The following DENND3 variants were observed in gnomAD, a reference collection of about 807,000 sequenced individuals.
DENND3 encodes the protein DENN domain-containing protein 3.
DENND3 carries 88 observed loss-of-function variants against 135.1 expected under a neutral mutation model. That is an observed-to-expected ratio of 0.65 (90% CI 0.55 to 0.78). The LOEUF is 0.78. DENND3 is among the 30% of genes least tolerant of loss of function. DENND3 has a pLI of 0.00. For synonymous variants in DENND3, 693 were observed against 712.3 expected (o/e 0.97, Z 0.43); for missense variants, 1,392 against 1,688.4 (o/e 0.82, Z 3.08).
rs1375896018 is a variant in DENND3, at chr8:141,144,726, T to C, written c.735+467T>C. On this transcript the variant is annotated intron_variant, in intron 5 of 22. Transcript: ENST00000519811. This position sits in a 1 kb window ranked among gnomAD's most constrained non-coding sequence, Gnocchi z 4.4. ...GAGTTTAGGCACAGCTGACCAGCAT[T>C]AGGTTAAAATGGAGATCCTAAGACC... Among the ~76,000 whole-genome samples, 1 of 152,146 alleles carries C rather than the reference T, an allele frequency of 6.6e-6. No homozygotes were observed. Among genetic ancestry groups the C allele is most frequent in the Non-Finnish European group, 1.5e-5 (1 of 68,038 alleles).
intron 19 of DENND3, among the ~76,000 whole-genome samples, chr8:141,189,959 G>A (rs1166254251): frequency 6.6e-6 from 1 of 152,190 alleles, no homozygotes; most frequent in African/African-American, 2.4e-5. Context: ...GTCATGTCAT[G>A]GCTCTATGAC....
At position 141,138,078 on chromosome 8, in the gene DENND3, A is replaced by T. The variant is rs1200488437; in HGVS notation, c.442A>T (p.Thr148Ser). Reference sequence around the variant, plus strand: ...GGATTGCGTCCACTTCCTGGTGCTGACCGATGTCTGCGGGAATAGGACCTA... The same window carrying T: ...GGATTGCGTCCACTTCCTGGTGCTGTCCGATGTCTGCGGGAATAGGACCTA... ...KEDCVHFLVLTDVCGNRTYGV... is the reference protein window; with the variant it reads ...KEDCVHFLVLSDVCGNRTYGV... Residue 148 changes from threonine to serine, a missense_variant, in exon 3 of 23, where the codon ACC becomes TCC. Transcript: ENST00000519811. This position sits in a 1 kb window ranked among gnomAD's most constrained non-coding sequence, Gnocchi z 4.8. The T allele has an allele frequency of 6.2e-7, 1 of 1,610,438 alleles. No individual in the cohort carries two copies. Among genetic ancestry groups the T allele is most frequent in the Middle Eastern group, 1.7e-4 (1 of 6,056 alleles).
chr8:141,134,287 TTTTTTA>T (rs983911443), intron 1 of DENND3, among the ~76,000 whole-genome samples: 3 of 152,044 alleles, frequency 2.0e-5, no homozygotes, highest in African/African-American at 7.2e-5. Flanking sequence ...ATATTTTTTA[TTTTTTA>T]TTTTTATTTT....
rs1589502476 is a variant in DENND3 at position 141,128,900 on chromosome 8, T to G, written c.102+91T>G. 2 of 982,186 alleles carry G rather than the reference T, an allele frequency of 2.0e-6. No individual in the cohort carries two copies. Among genetic ancestry groups the G allele is most frequent in the East Asian group, 6.7e-5 (2 of 29,722 alleles). The allele number at this position is 982,186 out of a possible 1,614,324, so 60.8% of individuals were successfully genotyped here. ...GCGGGCGCCCGGGTGCCCTGTGGGT[T>G]GGCGCGGACTTTCCGAGGGCTGAGT... On this transcript the variant is annotated intron_variant, in intron 1 of 22. Transcript: ENST00000519811. The surrounding 1 kb of genome is among the most constrained non-coding windows in gnomAD (Gnocchi z 4.5).
At chr8:141,155,805 G>A (rs561296192) in intron 7 of DENND3, 44 bp from the exon 8 acceptor site, 36 of 1,541,608 alleles carry the variant, frequency 2.3e-5, no homozygotes, top group Admixed American at 1.2e-4. Context: ...TACAAATTCC[G>A]AAATTCTTTT....
In DENND3 at chr8:141,139,224, C is replaced by T. The variant is rs142690936; in HGVS notation, c.501+1087C>T. Among the ~76,000 whole-genome samples the T allele has an allele frequency of 3.3e-5, 5 of 152,188 alleles. No homozygotes were observed. In the East Asian group the frequency reaches 9.6e-4, roughly 29 times the overall value. On this transcript the variant is annotated intron_variant, in intron 3 of 22. Transcript: ENST00000519811. This position sits in a 1 kb window ranked among gnomAD's most constrained non-coding sequence, Gnocchi z 4.2. The stretch of plus-strand genomic sequence containing the variant: ...CTGGATTCCCTCGGAGCCCGGGACA[C>T]GTGTTTTTGTTGGTAGAAGCGTGCT...
At position 141,128,929 on chromosome 8, in the gene DENND3, G is replaced by C. The variant is rs116915947; in HGVS notation, c.102+120G>C. On this transcript the variant is annotated intron_variant, in intron 1 of 22. Transcript: ENST00000519811. The surrounding 1 kb of genome is among the most constrained non-coding windows in gnomAD (Gnocchi z 4.5). ...GCGGACTTTCCGAGGGCTGAGTCCC[G>C]GTCCCCCGGCGGTGACCCCGCGCGC... 1 of 740,578 alleles carries C rather than the reference G, an allele frequency of 1.4e-6. No individual in the cohort carries two copies. Among genetic ancestry groups the C allele is most frequent in the Non-Finnish European group, 1.9e-6 (1 of 519,882 alleles). 45.9% of individuals were successfully genotyped at this position (740,578 alleles called of 1,614,324 possible).
chr8:141,151,083 T>C lies in DENND3; in HGVS notation c.855+130T>C, dbSNP rs1453806316. On this transcript the variant is annotated intron_variant, in intron 6 of 22. Transcript: ENST00000519811. Reference sequence around the variant, plus strand: ...CCGACTGGTATACTCGAAATGTTTATTATTATTTTTTAAAGCCAATGTTCC... The same window carrying C: ...CCGACTGGTATACTCGAAATGTTTACTATTATTTTTTAAAGCCAATGTTCC... 2.9e-5 allele frequency: 38 copies of C among 1,297,380 alleles called. No individual in the cohort carries two copies. In the South Asian group the frequency reaches 7.3e-4, roughly 25 times the overall value. The allele number at this position is 1,297,380 out of a possible 1,614,324, so 80.4% of individuals were successfully genotyped here. A position where few individuals can be genotyped will look rare whatever the true frequency, so the allele number is the denominator to read the frequency against.
intron 20 of DENND3, 45 bp from the exon 21 acceptor site, chr8:141,192,286 G>A: frequency 6.2e-7 from 1 of 1,606,364 alleles, no homozygotes; most frequent in Non-Finnish European, 8.5e-7. Flanking sequence ...GTCTTATGTT[G>A]CCAATGACAC....
intron 16 of DENND3, among the ~76,000 whole-genome samples, chr8:141,178,577 G>A (rs1029628248): frequency 1.1e-4 from 16 of 152,228 alleles, no homozygotes; most frequent in Admixed American, 9.8e-4. Flanking sequence ...CTGGTGGGGA[G>A]CGGGTGTCTG....
chr8:141,190,657 T>A, intron 20 of DENND3: 1 of 517,372 alleles, frequency 1.9e-6, no homozygotes. Flanking sequence ...CTGTCTTGCC[T>A]GGACGCACCA....
In DENND3 at chr8:141,128,726, C is replaced by A. The variant is rs759751152; in HGVS notation, c.19C>A (p.Pro7Thr). The change falls in exon 1 of 23, where the codon CCG (proline) becomes ACG (threonine). Residue 7 changes from proline to threonine, a missense_variant. Pro to Thr is a conservative substitution (Grantham distance 38, BLOSUM62 -1). Transcript: ENST00000519811. The surrounding 1 kb of genome is among the most constrained non-coding windows in gnomAD (Gnocchi z 4.5). The stretch of plus-strand genomic sequence containing the variant: ...GGCAGCCATGGCGGAGGCCGCGTCG[C>A]CGCACTTGTCGCTGCCCTCGGGGCT... Reference protein sequence around the residue: MAEAASPHLSLPSGLLE... With the variant: MAEAASTHLSLPSGLLE... 30 of 1,433,812 alleles carry A rather than the reference C, an allele frequency of 2.1e-5. No individual in the cohort carries two copies. The South Asian group carries it at 3.7e-4, about 18-fold the overall frequency. The allele number at this position is 1,433,812 out of a possible 1,614,324, so 88.8% of individuals were successfully genotyped here.
chr8:141,176,287 C>CAAA (rs1274747351), intron 14 of DENND3: 13 of 150,328 alleles, frequency 8.6e-5, no homozygotes, highest in South Asian at 3.5e-4. Flanking sequence ...AAAAACAAAA[C>CAAA]AAAAAAAAAA....
intron 7 of DENND3, among the ~76,000 whole-genome samples, chr8:141,152,582 G>T (rs1166815642): frequency 6.6e-6 from 1 of 152,116 alleles, no homozygotes; most frequent in African/African-American, 2.4e-5. Flanking sequence ...GCTGACTAGG[G>T]TTTCATTGTA....
At position 141,190,412 on chromosome 8, in the gene DENND3, G is replaced by A; in HGVS notation, c.3374G>A (p.Trp1125Ter). Residue 1125 changes from tryptophan (W) to a stop codon, truncating the protein, a stop_gained, in exon 20 of 23, where the codon TGG becomes TAG. Transcript: ENST00000519811. LOFTEE classifies it high-confidence loss of function. ...ATCAGACTGCACGGCGGCCGCCTGT[G>A]GTGCTGTAAGTCCGGCCCCTGCCAT... ...TSIRLHGGRL[W>*]CCTGNSIMVM... 1 of 1,608,042 alleles carries A rather than the reference G, an allele frequency of 6.2e-7. No individual in the cohort carries two copies. The highest frequency in any genetic ancestry group is 1.1e-5 in the South Asian group (1 of 90,074).
rs1157327059 is a variant in DENND3 at position 141,185,376 on chromosome 8, T to G, written c.3084+98T>G. 23 of 1,494,022 alleles carry G rather than the reference T, an allele frequency of 1.5e-5. No individual in the cohort carries two copies. The Admixed American group carries it at 4.4e-4, about 28-fold the overall frequency. 92.5% of individuals were successfully genotyped at this position (1,494,022 alleles called of 1,614,324 possible). On this transcript the variant is annotated intron_variant, in intron 18 of 22. Coordinates refer to ENST00000519811, the MANE Select transcript of DENND3 (RefSeq NM_001352890.3). ...TATTCGACAGTAGGATACAAGCTAT[T>G]CCACAGCCTCACTCGGTTTCTGTAA... is the stretch of plus-strand genomic sequence containing the variant.
intron 20 of DENND3, 67 bp downstream of exon 20, chr8:141,190,484 G>T: frequency 1.3e-6 from 2 of 1,497,528 alleles, no homozygotes; most frequent in South Asian, 2.7e-5. Flanking sequence ...GATGCTGAAC[G>T]AGAGCAGAAA....
chr8:141,175,322 G>A lies in DENND3; in HGVS notation c.2398G>A (p.Glu800Lys), dbSNP rs1342883785. 2 of 1,614,254 alleles carry A rather than the reference G, an allele frequency of 1.2e-6. No homozygotes were observed. Among genetic ancestry groups the A allele is most frequent in the Admixed American group, 1.7e-5 (1 of 60,026 alleles). ...WLVMEHLDKN[E>K]CVCKLSSSVK... ...GGTGATGGAACACCTGGATAAAAAC[G>A]AGTGTGTGTGTAAGTTGTCCAGCTC... Residue 800 changes from glutamate (E) to lysine (K), a missense_variant, in exon 14 of 23, where the codon GAG becomes AAG. Glu to Lys is a moderately conservative substitution (Grantham distance 56). Coordinates refer to ENST00000519811, the MANE Select transcript of DENND3 (RefSeq NM_001352890.3). The surrounding 1 kb of genome is among the most constrained non-coding windows in gnomAD (Gnocchi z 5.4).
intron 5 of DENND3, among the ~76,000 whole-genome samples, chr8:141,145,822 TATATATATATATATATATA>T (rs1817978042): frequency 4.8e-4 from 16 of 33,524 alleles, no homozygotes; most frequent in African/African-American, 2.3e-3. Flanking sequence ...TATATATATA[TATATATATATATATATATA>T]TATATATATG....
Sources: gnomAD v4.1 joint callset for allele counts (sites outside exome capture counted in the v4.1 genomes callset) on GRCh38, gnomAD v4.1.1 for gene constraint, Gnocchi (gnomAD v3.1) non-coding constraint, MANE v1.5 for transcripts, NCBI Gene and HGNC (gene_info 2026-07-23, HGNC 2026-07-21) for gene names.